PAX2: variants seen among roughly 807,000 people sequenced by gnomAD.
PAX2 encodes paired box protein Pax-2.
Under a neutral mutation model 41.7 loss-of-function variants are expected in PAX2, and 9 were observed. The ratio of observed to expected loss-of-function variants is 0.22; its 90% confidence interval spans 0.13 to 0.38. The LOEUF is 0.38. Among genes scored for constraint, PAX2 ranks in the 10% least tolerant of loss-of-function variants. PAX2 has a pLI of 1.00. For missense variants in PAX2, 418 were observed against 531.6 expected, an observed-to-expected ratio of 0.79 and a Z score of 2.10; for synonymous variants, 221 against 212.7, an observed-to-expected ratio of 1.04 and a Z score of -0.34.
intron 5 of PAX2, among the ~76,000 whole-genome samples, chr10:100,805,968 G>A (rs537696699): frequency 3.9e-5 from 6 of 152,260 alleles, no homozygotes; most frequent in African/African-American, 1.4e-4. Context: ...AAATTTGATG[G>A]TTTTCAACCC....
chr10:100,792,323 T>C (rs941688770), intron 5 of PAX2, among the ~76,000 whole-genome samples: 1 of 152,206 alleles, frequency 6.6e-6, no homozygotes, highest in African/African-American at 2.4e-5. Flanking sequence ...CCCTTGACTT[T>C]AGATGAAAGG....
At chr10:100,799,789 CTTTTT>C (rs56012188) in intron 5 of PAX2, among the ~76,000 whole-genome samples, 3 of 89,890 alleles carry the variant, frequency 3.3e-5, no homozygotes, top group Non-Finnish European at 4.5e-5. Flanking sequence ...TAGTGTAATT[CTTTTT>C]TTTTTTTTTT....
Position 100,824,353 on chromosome 10 carries a change from TACACACACACACACACACACAC to T in PAX2, c.920-273_920-252del, listed in dbSNP as rs61572589. Among the ~76,000 whole-genome samples the T allele has an allele frequency of 0.012, 1,601 of 135,576 alleles. 37 individuals carry two copies. Among genetic ancestry groups the T allele is most frequent in the African/African-American group, 0.041 (1,501 of 36,762 alleles). 88.9% of individuals were successfully genotyped at this position (135,576 alleles called of 152,430 possible). ...GCACAGAGACACAGGCAAAGGCAGA[TACACACACACACACACACACAC>T]ACACACACACACACACACACAAATA... On this transcript the variant is annotated intron_variant, in intron 7 of 9. Coordinates refer to ENST00000355243, the MANE Select transcript of PAX2 (RefSeq NM_000278.5). The surrounding 1 kb of genome is among the most constrained non-coding windows in gnomAD (Gnocchi z 6.6).
chr10:100,794,229 C>T (rs1364949273), intron 5 of PAX2, among the ~76,000 whole-genome samples: 4 of 152,258 alleles, frequency 2.6e-5, no homozygotes, highest in African/African-American at 9.6e-5. Context: ...TTTGCAGCAT[C>T]ACTTTATACC....
intron 3 of PAX2, among the ~76,000 whole-genome samples, chr10:100,766,493 G>A (rs61527719): frequency 0.049 from 7,434 of 152,230 alleles, 508 homozygotes; most frequent in African/African-American, 0.15. Flanking sequence ...GTTTACTCCC[G>A]TCCATCCTCC....
intron 5 of PAX2, among the ~76,000 whole-genome samples, chr10:100,801,917 C>T (rs903424147): frequency 1.1e-4 from 17 of 152,266 alleles, no homozygotes; most frequent in African/African-American, 4.1e-4. Flanking sequence ...CTCTTTGCTT[C>T]AGCTTCCTTA....
At chr10:100,735,723 G>C in exon 1 of PAX2, 2 of 1,048,322 alleles carry the variant, frequency 1.9e-6, no homozygotes, top group East Asian at 1.1e-4. Context: ...AAGAGCGCGC[G>C]GGTCCGGCAG....
chr10:100,824,645 C>T lies in PAX2; in HGVS notation c.920-3C>T. The T allele has an allele frequency of 1.2e-6, 2 of 1,602,920 alleles. No individual in the cohort carries two copies. The highest frequency in any genetic ancestry group is 2.2e-5 in the South Asian group (2 of 90,864). On this transcript the variant is annotated splice_region_variant and splice_polypyrimidine_tract_variant and intron_variant, in intron 7 of 9. Coordinates refer to ENST00000355243, the MANE Select transcript of PAX2 (RefSeq NM_000278.5). This position sits in a 1 kb window ranked among gnomAD's most constrained non-coding sequence, Gnocchi z 6.6. ...TCACCCCTTCCCCTTTGTGTTTTTC[C>T]AGGTCGTGACATGGCGAGCACCACT...
intron 5 of PAX2, among the ~76,000 whole-genome samples, chr10:100,798,353 C>T (rs1201054670): frequency 6.6e-6 from 1 of 151,900 alleles, no homozygotes; most frequent in Non-Finnish European, 1.5e-5. Context: ...TGAGCTCAAG[C>T]AATCTGCCCA....
At chr10:100,773,540 G>A (rs11190696) in intron 3 of PAX2, among the ~76,000 whole-genome samples, 27,749 of 152,106 alleles carry the variant, frequency 0.18, 2,791 homozygotes, top group Middle Eastern at 0.31. Context: ...TGAGGCGGAC[G>A]GTGGATGGAT....
rs1472988012 is a variant in PAX2 at position 100,827,044 on chromosome 10, C to T, written c.1057C>T (p.Gln353Ter). The T allele has an allele frequency of 6.2e-7, 1 of 1,613,692 alleles. No individual in the cohort carries two copies. Among genetic ancestry groups the T allele is most frequent in the Non-Finnish European group, 8.5e-7 (1 of 1,179,620 alleles). The change falls in exon 9 of 10, where the codon CAG becomes TAG. Residue 353 changes from glutamine (Q) to a stop codon, truncating the protein, a stop_gained. Transcript: ENST00000355243. LOFTEE classifies it high-confidence loss of function. The surrounding 1 kb of genome is among the most constrained non-coding windows in gnomAD (Gnocchi z 8.5). The part of the protein sequence containing the change: ...EFSGNPYSHP[Q>*]YTAYNEAWRF... ...CTCCGGCAACCCGTACAGCCACCCC[C>T]AGTACACGGCCTACAACGAGGCTTG...
chr10:100,754,291 C>A (rs1370084732), intron 3 of PAX2, among the ~76,000 whole-genome samples: 2 of 152,202 alleles, frequency 1.3e-5, no homozygotes, highest in African/African-American at 4.8e-5. Flanking sequence ...AGGCACAGAC[C>A]CCAAATAGAG....
At chr10:100,800,273 C>CTTTTTTTTTTTTTTTTTTTTTTTTTTTTT (rs59487758) in intron 5 of PAX2, among the ~76,000 whole-genome samples, 2 of 108,386 alleles carry the variant, frequency 1.8e-5, no homozygotes, top group Non-Finnish European at 3.5e-5. Flanking sequence ...TCTTTTCTTT[C>CTTTTTTTTTTTTTTTTTTTTTTTTTTTTT]TTTTTTTTTT....
chr10:100,761,042 A>G (rs1589825311), intron 3 of PAX2, among the ~76,000 whole-genome samples: 1 of 152,066 alleles, frequency 6.6e-6, no homozygotes, highest in Non-Finnish European at 1.5e-5. Flanking sequence ...AACCTAGCAG[A>G]CTCCAGATGA....
At chr10:100,745,251 G>T (rs1049128380), upstream of PAX2, among the ~76,000 whole-genome samples, 1 of 152,146 alleles carries the variant, frequency 6.6e-6, no homozygotes, top group Admixed American at 6.5e-5. Flanking sequence ...TTATCTTATC[G>T]GCGAGTTTCG....
chr10:100,747,589 G>A lies in PAX2; in HGVS notation c.43+1286G>A, dbSNP rs1047148027. The A allele has an allele frequency of 5.1e-6, 5 of 984,022 alleles. No individual in the cohort carries two copies. In the African/African-American group the frequency reaches 8.8e-5, roughly 17 times the overall value. The allele number at this position is 984,022 out of a possible 1,614,324, so 61.0% of individuals were successfully genotyped here. On this transcript the variant is annotated intron_variant, in intron 1 of 9. Transcript: ENST00000355243. The stretch of plus-strand genomic sequence containing the variant: ...ACAAGGAAACTTTAGACCCGGCTTG[G>A]ACCTGTGTTTAGGACAAGAGAGCCG...
Position 100,750,648 on chromosome 10 carries a change from C to T in PAX2, c.213-46C>T, listed in dbSNP as rs757983334. Reference sequence around the variant, plus strand: ...TCTGGAACCTGCAGCCCCCCTGCCCCGCCACAGTCCGCTTCTGGCTGACCC... The same window carrying T: ...TCTGGAACCTGCAGCCCCCCTGCCCTGCCACAGTCCGCTTCTGGCTGACCC... On this transcript the variant is annotated intron_variant, in intron 2 of 9. Coordinates refer to ENST00000355243, the MANE Select transcript of PAX2 (RefSeq NM_000278.5). The surrounding 1 kb of genome is among the most constrained non-coding windows in gnomAD (Gnocchi z 4.1). 14 of 1,556,690 alleles carry T rather than the reference C, an allele frequency of 9.0e-6. No individual in the cohort carries two copies. The African/African-American group carries it at 1.2e-4, about 14-fold the overall frequency.
rs181825240 is a variant in PAX2, at chr10:100,810,106, G to A, written c.919+870G>A. On this transcript the variant is annotated intron_variant, in intron 7 of 9. Transcript: ENST00000355243. ...GTTCCTTGGGAGACAGGATGATTGA[G>A]AAGGGTCTCGGTGGGGATTGGGAGA... Among the ~76,000 whole-genome samples the A allele has an allele frequency of 2.4e-4, 37 of 152,344 alleles. No individual in the cohort carries two copies. In the East Asian group the frequency reaches 3.7e-3, roughly 15 times the overall value.
At chr10:100,792,726 C>T (rs1358679974) in intron 5 of PAX2, among the ~76,000 whole-genome samples, 1 of 151,266 alleles carries the variant, frequency 6.6e-6, no homozygotes, top group Admixed American at 6.6e-5. Context: ...TCTCTCCCTC[C>T]CCCTCCCTCC....
Sources: gnomAD v4.1 joint callset for allele counts (sites outside exome capture counted in the v4.1 genomes callset) on GRCh38, gnomAD v4.1.1 for gene constraint, Gnocchi (gnomAD v3.1) non-coding constraint, MANE v1.5 for transcripts, NCBI Gene and HGNC (gene_info 2026-07-23, HGNC 2026-07-21) for gene names.